The following CDH7 variants were observed in gnomAD, a reference collection of about 807,000 sequenced individuals.
The protein encoded by CDH7 is cadherin-7.
CDH7 carries 25 observed loss-of-function variants against 71.8 expected under a neutral mutation model. The observed-to-expected ratio is 0.35, with a 90% CI of 0.25 to 0.49. The LOEUF is 0.49. Ranked by LOEUF, CDH7 falls within the 20% of genes least tolerant of loss-of-function variation. CDH7 has a pLI of 0.99. For missense variants in CDH7, 862 were observed against 974.6 expected, an observed-to-expected ratio of 0.88 and a Z score of 1.54; for synonymous variants, 381 against 363.8, an observed-to-expected ratio of 1.05 and a Z score of -0.54.
chr18:65,864,200 G>A (rs1035032525), intron 11 of CDH7: 1 of 152,012 alleles, frequency 6.6e-6, no homozygotes. Flanking sequence ...AGAATATAAG[G>A]GATTAAAGTT....
chr18:65,790,044 A>G (rs534102296), intron 2 of CDH7, among the ~76,000 whole-genome samples: 1 of 151,824 alleles, frequency 6.6e-6, no homozygotes, highest in African/African-American at 2.4e-5. Flanking sequence ...CCTGGCTAAC[A>G]TGGTAAAACC....
rs1366883113 is a variant in CDH7, at chr18:65,853,930, T to C, written c.1236-3886T>C. Among the ~76,000 whole-genome samples, 123 of 97,664 alleles carry C rather than the reference T, an allele frequency of 1.3e-3. 1 individual carries two copies. Among genetic ancestry groups the C allele is most frequent in the African/African-American group, 5.0e-3 (121 of 24,252 alleles). The allele number at this position is 97,664 out of a possible 152,430, so 64.1% of individuals were successfully genotyped here. On this transcript the variant is annotated intron_variant, in intron 7 of 11. Coordinates refer to ENST00000397968, the MANE Select transcript of CDH7 (RefSeq NM_004361.5). ...CCATATATATATATATATATATATA[T>C]ATATATATATATATATATATATATA...
chr18:65,794,509 A>G (rs1209281359), intron 2 of CDH7, among the ~76,000 whole-genome samples: 2 of 152,086 alleles, frequency 1.3e-5, no homozygotes, highest in African/African-American at 4.8e-5. Context: ...GACAAAGAGA[A>G]AGGAGGTCAT....
At chr18:65,793,541 T>C (rs1286380153) in intron 2 of CDH7, among the ~76,000 whole-genome samples, 1 of 152,176 alleles carries the variant, frequency 6.6e-6, no homozygotes, top group African/African-American at 2.4e-5. Context: ...AAAACAATAT[T>C]ATCACAGCTA....
At chr18:65,836,350 A>T (rs1195436722) in intron 6 of CDH7, among the ~76,000 whole-genome samples, 1 of 152,134 alleles carries the variant, frequency 6.6e-6, no homozygotes, top group South Asian at 2.1e-4. Context: ...TATGAATAAG[A>T]ATCTGGATAG....
chr18:65,842,620 G>T (rs1437111649), intron 6 of CDH7, among the ~76,000 whole-genome samples: 1 of 151,738 alleles, frequency 6.6e-6, no homozygotes, highest in Non-Finnish European at 1.5e-5. Flanking sequence ...ACATCCTATT[G>T]TATACTTATA....
At chr18:65,857,762 A>G (rs1356744667) in intron 7 of CDH7, 54 bp from the exon 8 acceptor site, 2 of 1,566,078 alleles carry the variant, frequency 1.3e-6, no homozygotes, top group Non-Finnish European at 1.7e-6. Context: ...GTTTCAGCAA[A>G]TTATAATCAA....
intron 6 of CDH7, among the ~76,000 whole-genome samples, chr18:65,832,016 A>T (rs1047196421): frequency 6.6e-6 from 1 of 152,104 alleles, no homozygotes; most frequent in Admixed American, 6.6e-5. Flanking sequence ...TCATAAATGT[A>T]TTTGTTCTGG....
intron 2 of CDH7, among the ~76,000 whole-genome samples, chr18:65,764,206 T>C (rs985264401): frequency 2.0e-5 from 3 of 152,104 alleles, no homozygotes; most frequent in Non-Finnish European, 4.4e-5. Context: ...ATTATGTTTA[T>C]TGATGAGCAT....
chr18:65,879,189 A>G (rs1377277216), intron 11 of CDH7, among the ~76,000 whole-genome samples: 1 of 152,204 alleles, frequency 6.6e-6, no homozygotes, highest in African/African-American at 2.4e-5. Flanking sequence ...GCAGTTAAGG[A>G]CGTTGATGTC....
chr18:65,858,963 A>G lies in CDH7; in HGVS notation c.1411A>G (p.Thr471Ala), dbSNP rs771231129. The G allele has an allele frequency of 5.6e-6, 9 of 1,611,366 alleles. No homozygotes were observed. Among genetic ancestry groups the G allele is most frequent in the Non-Finnish European group, 6.8e-6 (8 of 1,177,596 alleles). Reference protein sequence around the residue: ...SQVGRGYVAITILDINDNAPE... With the variant: ...SQVGRGYVAIAILDINDNAPE... The stretch of plus-strand genomic sequence containing the variant: ...AGTAGGAAGAGGCTATGTGGCCATC[A>G]CTATACTTGACATCAATGATAACGC... The change falls in exon 9 of 12, where the codon ACT becomes GCT. Residue 471 changes from threonine to alanine, a missense_variant. Transcript: ENST00000397968.
At chr18:65,849,363 T>C (rs1475308424) in intron 7 of CDH7, among the ~76,000 whole-genome samples, 1 of 38,026 alleles carries the variant, frequency 2.6e-5, no homozygotes, top group Non-Finnish European at 4.8e-5. Context: ...TCTTTTCTTT[T>C]CTTTTCTTTT....
At chr18:65,754,882 C>T (rs1915990608) in intron 1 of CDH7, among the ~76,000 whole-genome samples, 1 of 152,042 alleles carries the variant, frequency 6.6e-6, no homozygotes, top group Non-Finnish European at 1.5e-5. Context: ...TTTTGGATTC[C>T]AGAGTTGTTT....
At chr18:65,767,748 C>T (rs1056147862) in intron 2 of CDH7, among the ~76,000 whole-genome samples, 1 of 152,184 alleles carries the variant, frequency 6.6e-6, no homozygotes, top group Non-Finnish European at 1.5e-5. Context: ...CGGATCAGCT[C>T]TATCAGATGC....
chr18:65,803,756 C>A (rs181647935), intron 2 of CDH7: 1 of 151,458 alleles, frequency 6.6e-6, no homozygotes, highest in Admixed American at 6.6e-5. Flanking sequence ...AAAATTTTAA[C>A]CTTGTAAAAT....
intron 5 of CDH7, 29 bp downstream of exon 5, chr18:65,822,277 G>T: frequency 1.3e-6 from 2 of 1,569,390 alleles, no homozygotes; most frequent in Non-Finnish European, 1.7e-6. Flanking sequence ...TGACACAAGT[G>T]CAATAACTTT....
intron 4 of CDH7, among the ~76,000 whole-genome samples, chr18:65,817,936 G>A (rs1290737412): frequency 6.6e-6 from 1 of 152,130 alleles, no homozygotes; most frequent in Non-Finnish European, 1.5e-5. Context: ...AGCATCATGA[G>A]TATTTTTTTA....
At chr18:65,835,902 G>A (rs976762532) in intron 6 of CDH7, among the ~76,000 whole-genome samples, 1 of 152,150 alleles carries the variant, frequency 6.6e-6, no homozygotes, top group African/African-American at 2.4e-5. Flanking sequence ...TTAAGTTACG[G>A]AGCTTAATGG....
intron 2 of CDH7, among the ~76,000 whole-genome samples, chr18:65,788,051 CT>C (rs903722281): frequency 6.6e-6 from 1 of 152,236 alleles, no homozygotes; most frequent in South Asian, 2.1e-4. Flanking sequence ...CTCTAAGGAT[CT>C]TTTTTTCCCC....
Sources: gnomAD v4.1 joint callset for allele counts (sites outside exome capture counted in the v4.1 genomes callset) on GRCh38, gnomAD v4.1.1 for gene constraint, MANE v1.5 for transcripts, NCBI Gene and HGNC (gene_info 2026-07-23, HGNC 2026-07-21) for gene names.